PHEX: variants seen among roughly 807,000 people sequenced by gnomAD.
PHEX encodes phosphate-regulating neutral endopeptidase PHEX.
Under a neutral mutation model 68.0 loss-of-function variants are expected in PHEX, and 16 were observed. The observed-to-expected ratio is 0.24, with a 90% CI of 0.16 to 0.36. PHEX has a LOEUF of 0.36. Ranked by LOEUF, PHEX falls within the 10% of genes least tolerant of loss-of-function variation. The pLI is 1.00. For missense variants in PHEX, 480 were observed against 575.5 expected (o/e 0.83, Z 1.70); for synonymous variants, 208 against 205.1 (o/e 1.01, Z -0.12).
At chrX:22,052,011 A>G (rs1290608787) in intron 3 of PHEX, among the ~76,000 whole-genome samples, 3 of 111,496 alleles carry the variant, frequency 2.7e-5, no homozygotes, top group Non-Finnish European at 5.6e-5. Context: ...ATATCTATCT[A>G]TTTATGTGTC....
chrX:22,057,342 G>A (rs1202636004), intron 3 of PHEX, among the ~76,000 whole-genome samples: 2 of 111,471 alleles, frequency 1.8e-5, no homozygotes, highest in African/African-American at 6.5e-5. Context: ...CGTGGCTCAC[G>A]GCTGTAATCC....
intron 10 of PHEX, among the ~76,000 whole-genome samples, chrX:22,113,895 G>A (rs1010970564): frequency 9.2e-6 from 1 of 108,144 alleles, no homozygotes; most frequent in Non-Finnish European, 1.9e-5. Context: ...GGGAAGAAAG[G>A]ATACATATAT....
At chrX:22,184,076 A>G (rs1230435090) in intron 14 of PHEX, among the ~76,000 whole-genome samples, 2 of 111,961 alleles carry the variant, frequency 1.8e-5, no homozygotes, top group Admixed American at 9.5e-5. Flanking sequence ...TCACAAGGGT[A>G]TTAAATTGGT....
rs190299735 is a variant in PHEX at position 22,212,260 on chromosome X, A to G, written c.1646-644A>G. Among the ~76,000 whole-genome samples, 46 of 111,253 alleles carry G rather than the reference A, an allele frequency of 4.1e-4. No homozygotes were observed. The East Asian group carries it at 0.012, about 30-fold the overall frequency. On this transcript the variant is annotated intron_variant, in intron 15 of 21. Coordinates refer to ENST00000379374, the MANE Select transcript of PHEX (RefSeq NM_000444.6). ...TCAGAGCTTACTCAGTTCTAGATGTATCGTATTTACCTTGTATTTGTTTGG... is the reference window on the plus strand; with the variant it reads ...TCAGAGCTTACTCAGTTCTAGATGTGTCGTATTTACCTTGTATTTGTTTGG...
Position 22,032,710 on chromosome X carries a change from G to C in PHEX, c.-296G>C. On this transcript the variant is annotated 5_prime_UTR_variant, in exon 1 of 22. Transcript: ENST00000379374. ...ACATATATACTCGGAACGCTTGAGA[G>C]AAGAGCCTGCCAAACAGGGACTTTG... 2 of 335,398 alleles carry C rather than the reference G, an allele frequency of 6.0e-6. No individual in the cohort carries two copies. Among genetic ancestry groups the C allele is most frequent in the East Asian group, 5.8e-5 (1 of 17,222 alleles). 27.6% of individuals were successfully genotyped at this position (335,398 alleles called of 1,213,427 possible).
chrX:22,222,515 C>T (rs1569432326), intron 18 of PHEX, among the ~76,000 whole-genome samples: 1 of 111,639 alleles, frequency 9.0e-6, no homozygotes, highest in African/African-American at 3.3e-5. Context: ...GTGAGCAAAG[C>T]AATGTGGAGC....
intron 14 of PHEX, among the ~76,000 whole-genome samples, chrX:22,182,956 C>A (rs1933924449): frequency 9.0e-6 from 1 of 111,647 alleles, no homozygotes; most frequent in African/African-American, 3.3e-5. Context: ...TGATGAATTC[C>A]CAGATTCCTA....
At chrX:22,137,049 G>T (rs186988131) in intron 12 of PHEX, among the ~76,000 whole-genome samples, 64 of 111,869 alleles carry the variant, frequency 5.7e-4, no homozygotes, top group African/African-American at 2.1e-3. Flanking sequence ...GACCACAGCT[G>T]TTGAATGAGT....
chrX:22,069,800 A>G (rs992894920), intron 3 of PHEX, among the ~76,000 whole-genome samples: 3 of 111,862 alleles, frequency 2.7e-5, no homozygotes, highest in Non-Finnish European at 3.8e-5. Flanking sequence ...AGGCTGAGGA[A>G]CTGCCAAGCT....
chrX:22,206,169 C>A (rs926264307), intron 15 of PHEX, among the ~76,000 whole-genome samples: 1 of 111,994 alleles, frequency 8.9e-6, no homozygotes, highest in African/African-American at 3.2e-5. Flanking sequence ...AAATGAAAAC[C>A]AGAACTTGAA....
In PHEX at chrX:22,062,433, A is replaced by C. The variant is rs1426681988; in HGVS notation, c.350-13955A>C. On this transcript the variant is annotated intron_variant, in intron 3 of 21. Transcript: ENST00000379374. ...GGGATGATATATTTTATCTACCCCAATATATCCAAAATACTGTTATTTCTA... is the reference window on the plus strand; with the variant it reads ...GGGATGATATATTTTATCTACCCCACTATATCCAAAATACTGTTATTTCTA... 2.7e-5 allele frequency among the ~76,000 whole-genome samples: 3 copies of C among 111,498 alleles called. No individual in the cohort carries two copies. In the East Asian group the frequency reaches 8.4e-4, roughly 31 times the overall value.
At chrX:22,126,345 G>A (rs1222216848) in intron 11 of PHEX, among the ~76,000 whole-genome samples, 1 of 111,798 alleles carries the variant, frequency 8.9e-6, no homozygotes, top group African/African-American at 3.3e-5. Context: ...GAAAGTGTGG[G>A]TTTAAGTGTT....
intron 9 of PHEX, among the ~76,000 whole-genome samples, chrX:22,105,443 G>T (rs1890100097): frequency 8.9e-6 from 1 of 111,939 alleles, no homozygotes; most frequent in Non-Finnish European, 1.9e-5. Context: ...TGGCGGTAAG[G>T]CCTAGGAATT....
intron 14 of PHEX, 26 bp downstream of exon 14, chrX:22,178,402 A>G: frequency 1.1e-6 from 1 of 898,084 alleles, no homozygotes; most frequent in Non-Finnish European, 1.6e-6. Context: ...AAAAAGTTAA[A>G]TAGATAAATA....
Position 22,226,358 on chromosome X carries a change from C to A in PHEX, c.1900-85C>A. On this transcript the variant is annotated intron_variant, in intron 18 of 21. Coordinates refer to ENST00000379374, the MANE Select transcript of PHEX (RefSeq NM_000444.6). ...TCTTTAAAATATGATACTTTTCTTG[C>A]TATAATATTGATGCCTCTTGCTGAA... The A allele has an allele frequency of 4.6e-6, 3 of 645,377 alleles. No individual in the cohort carries two copies. In the East Asian group the frequency reaches 9.7e-5, roughly 21 times the overall value. 53.2% of individuals were successfully genotyped at this position (645,377 alleles called of 1,213,427 possible).
chrX:22,186,587 A>G (rs772413686), intron 14 of PHEX, among the ~76,000 whole-genome samples: 5 of 112,872 alleles, frequency 4.4e-5, no homozygotes, highest in African/African-American at 1.6e-4. Flanking sequence ...AATAGAAGAA[A>G]TAACAGCATC....
intron 20 of PHEX, among the ~76,000 whole-genome samples, chrX:22,234,751 T>C (rs183399587): frequency 9.1e-6 from 1 of 109,391 alleles, no homozygotes; most frequent in East Asian, 2.9e-4. Flanking sequence ...GCTCCCTGGC[T>C]TTAGAACCCC....
chrX:22,098,112 TA>T (rs766636965), intron 8 of PHEX: 9 of 104,842 alleles, frequency 8.6e-5, no homozygotes, highest in African/African-American at 2.7e-4. Flanking sequence ...TTTTTTTTTT[TA>T]AAAACTGTGT....
intron 14 of PHEX, among the ~76,000 whole-genome samples, chrX:22,182,987 T>C (rs891535765): frequency 6.3e-5 from 7 of 111,996 alleles, no homozygotes; most frequent in African/African-American, 1.9e-4. Flanking sequence ...TTGTTGACAA[T>C]GTTGTCCAGT....
Sources: allele counts gnomAD v4.1 joint callset (sites outside exome capture counted in the v4.1 genomes callset), GRCh38; gene constraint gnomAD v4.1.1; transcripts MANE v1.5; gene names NCBI Gene and HGNC (gene_info 2026-07-23, HGNC 2026-07-21).